The following CPLX2 variants were observed in gnomAD, a reference collection of about 807,000 sequenced individuals.
CPLX2 encodes the protein complexin 2.
In CPLX2, 5 loss-of-function variants were observed where a neutral mutation model predicts 16.3. The ratio of observed to expected loss-of-function variants is 0.31; its 90% CI spans 0.16 to 0.64. The LOEUF (loss-of-function observed/expected upper bound fraction) is 0.64. Among genes scored for constraint, CPLX2 ranks in the 30% least tolerant of loss-of-function variants. The pLI is 0.79. For synonymous variants in CPLX2, 89 were observed against 73.2 expected (o/e 1.22, Z -1.10); for missense variants, 144 against 181.4 (o/e 0.79, Z 1.18).
intron 1 of CPLX2, among the ~76,000 whole-genome samples, chr5:175,796,937 G>C (rs909989470): frequency 6.6e-5 from 10 of 152,050 alleles, no homozygotes; most frequent in East Asian, 1.9e-4. Context: ...CTCAGCCGCC[G>C]GCGGCTCTTC....
intron 2 of CPLX2, among the ~76,000 whole-genome samples, chr5:175,825,937 CAA>C (rs35250246): frequency 1.6e-4 from 7 of 44,414 alleles, no homozygotes; most frequent in African/African-American, 3.9e-4. Flanking sequence ...TGAATAAGTG[CAA>C]AAAAAAAAAA....
At chr5:175,804,646 A>C (rs983124810) in intron 1 of CPLX2, among the ~76,000 whole-genome samples, 10 of 152,208 alleles carry the variant, frequency 6.6e-5, no homozygotes, top group Non-Finnish European at 4.4e-5. Context: ...TTTATTAGAA[A>C]TGCACGATCT....
intron 2 of CPLX2, among the ~76,000 whole-genome samples, chr5:175,825,862 C>T (rs1758603020): frequency 6.7e-6 from 1 of 149,960 alleles, no homozygotes; most frequent in Admixed American, 6.7e-5. Flanking sequence ...GCCACAGTTG[C>T]TCCTCCTGGA....
chr5:175,828,771 C>A (rs1758669843), intron 2 of CPLX2, among the ~76,000 whole-genome samples: 1 of 152,216 alleles, frequency 6.6e-6, no homozygotes, highest in Non-Finnish European at 1.5e-5. Context: ...ACACCTGCCT[C>A]TGCACACTCA....
chr5:175,803,956 T>C (rs926366674), intron 1 of CPLX2, among the ~76,000 whole-genome samples: 3 of 152,186 alleles, frequency 2.0e-5, no homozygotes, highest in African/African-American at 7.2e-5. Context: ...GCCGGGAGGA[T>C]GCAGGGGGAG....
At chr5:175,797,925 G>C (rs927311107) in intron 1 of CPLX2, among the ~76,000 whole-genome samples, 1 of 152,234 alleles carries the variant, frequency 6.6e-6, no homozygotes, top group Non-Finnish European at 1.5e-5. Flanking sequence ...CCTTTTCTCT[G>C]AGAGCTGAGG....
At chr5:175,869,498 C>T (rs1759540831), upstream of CPLX2, among the ~76,000 whole-genome samples, 1 of 152,188 alleles carries the variant, frequency 6.6e-6, no homozygotes, top group African/African-American at 2.4e-5. Context: ...TCCCCCATTG[C>T]CCTAATTCTA....
chr5:175,832,078 A>G (rs560730977), intron 2 of CPLX2, among the ~76,000 whole-genome samples: 6 of 152,168 alleles, frequency 3.9e-5, no homozygotes, highest in Non-Finnish European at 4.4e-5. Context: ...GGATTTATTC[A>G]TTCCTTTAGC....
intron 2 of CPLX2, among the ~76,000 whole-genome samples, chr5:175,848,333 A>C (rs538865550): frequency 1.3e-5 from 2 of 152,352 alleles, no homozygotes; most frequent in South Asian, 4.1e-4. Flanking sequence ...GTCAGGAAGC[A>C]TCCCTGGACC....
chr5:175,851,117 T>C (rs903521778), intron 2 of CPLX2, among the ~76,000 whole-genome samples: 2 of 151,954 alleles, frequency 1.3e-5, no homozygotes, highest in Non-Finnish European at 2.9e-5. Flanking sequence ...ATCTTGCGTG[T>C]GAGGAGCCTG....
chr5:175,869,118 CT>C (rs1759531722), upstream of CPLX2, among the ~76,000 whole-genome samples: 2 of 152,324 alleles, frequency 1.3e-5, no homozygotes, highest in South Asian at 4.1e-4. Flanking sequence ...CATGTCAAGG[CT>C]GGTAACACTG....
chr5:175,815,448 C>G (rs1322125038), intron 2 of CPLX2, among the ~76,000 whole-genome samples: 2 of 152,120 alleles, frequency 1.3e-5, no homozygotes, highest in Non-Finnish European at 2.9e-5. Context: ...GCTGCCCACT[C>G]CAGGGAGTGG....
At chr5:175,828,605 A>C (rs959384134) in intron 2 of CPLX2, among the ~76,000 whole-genome samples, 1 of 152,130 alleles carries the variant, frequency 6.6e-6, no homozygotes, top group African/African-American at 2.4e-5. Context: ...AAGATTCCTC[A>C]ACTATGGGCT....
At chr5:175,804,705 C>CCCCCGGTGATTGACGCA (rs1758163717) in intron 1 of CPLX2, among the ~76,000 whole-genome samples, 1 of 152,124 alleles carries the variant, frequency 6.6e-6, no homozygotes, top group Non-Finnish European at 1.5e-5. Context: ...TTAACAAGAC[C>CCCCCGGTGATTGACGCA]CCCCGGTGAT....
chr5:175,829,152 G>A (rs1223746910), intron 2 of CPLX2, among the ~76,000 whole-genome samples: 1 of 152,226 alleles, frequency 6.6e-6, no homozygotes, highest in Non-Finnish European at 1.5e-5. Flanking sequence ...CCTGAGAAGT[G>A]CATTTCCCAC....
At chr5:175,879,194 G>T in intron 3 of CPLX2, 111 bp downstream of exon 3, 1 of 1,165,250 alleles carries the variant, frequency 8.6e-7, no homozygotes, top group Non-Finnish European at 1.2e-6. Context: ...CTTCGCCCTA[G>T]TTCTGAGCCT....
At chr5:175,799,539 C>CATATATATATATAT (rs70988299) in intron 1 of CPLX2, among the ~76,000 whole-genome samples, 8 of 72,264 alleles carry the variant, frequency 1.1e-4, no homozygotes, top group Admixed American at 1.6e-4. Context: ...TTGCAAATTT[C>CATATATATATATAT]ATATATATAT....
intron 2 of CPLX2, among the ~76,000 whole-genome samples, chr5:175,855,967 A>G (rs182008313): frequency 6.6e-6 from 1 of 152,330 alleles, no homozygotes; most frequent in African/African-American, 2.4e-5. Flanking sequence ...CAGGATGACC[A>G]TGGACAGTGC....
intron 2 of CPLX2, among the ~76,000 whole-genome samples, chr5:175,842,491 G>A (rs1054451795): frequency 3.0e-4 from 46 of 152,224 alleles, no homozygotes; most frequent in African/African-American, 1.1e-3. Context: ...AGCTCCTTTA[G>A]CAAACGGCCC....
Sources: allele counts gnomAD v4.1 joint callset (sites outside exome capture counted in the v4.1 genomes callset), GRCh38; gene constraint gnomAD v4.1.1; transcripts MANE v1.5; gene names NCBI Gene and HGNC (gene_info 2026-07-23, HGNC 2026-07-21).